The following SESTD1 variants were observed in gnomAD, a reference collection of about 807,000 sequenced individuals.
SESTD1 encodes the protein SEC14 domain and spectrin repeat-containing protein 1.
In SESTD1, 43 loss-of-function variants were observed where a neutral mutation model predicts 101.7. The observed-to-expected ratio is 0.42, with a 90% confidence interval of 0.33 to 0.55. The LOEUF is 0.55. Among genes scored for constraint, SESTD1 ranks in the 20% least tolerant of loss-of-function variants. SESTD1 has a pLI of 0.07. For synonymous variants in SESTD1, 283 were observed against 286.8 expected (o/e 0.99, Z 0.13); for missense variants, 647 against 815.1 (o/e 0.79, Z 2.51).
intron 1 of SESTD1, among the ~76,000 whole-genome samples, chr2:179,250,224 A>G (rs572532765): frequency 6.6e-6 from 1 of 152,326 alleles, no homozygotes; most frequent in Admixed American, 6.5e-5. Context: ...AGAAGTCACA[A>G]ACAGACAACT....
At chr2:179,144,647 A>AATTTAATT (rs2045355626) in intron 8 of SESTD1, among the ~76,000 whole-genome samples, 1 of 152,078 alleles carries the variant, frequency 6.6e-6, no homozygotes, top group African/African-American at 2.4e-5. Flanking sequence ...CTTATTTAGA[A>AATTTAATT]TAATATCTTA....
At chr2:179,139,604 C>G (rs529946016) in intron 9 of SESTD1, among the ~76,000 whole-genome samples, 2 of 152,110 alleles carry the variant, frequency 1.3e-5, no homozygotes, top group African/African-American at 4.8e-5. Context: ...CATTATGAAT[C>G]GTTAAGTTTT....
At chr2:179,194,716 A>G (rs1171776198) in intron 1 of SESTD1, among the ~76,000 whole-genome samples, 2 of 152,212 alleles carry the variant, frequency 1.3e-5, no homozygotes, top group African/African-American at 4.8e-5. Flanking sequence ...CAGAGCATGA[A>G]AAAGGCCACA....
Position 179,183,073 on chromosome 2 carries a change from G to A in SESTD1, c.164+7C>T, listed in dbSNP as rs367972552. The stretch of plus-strand genomic sequence containing the variant: ...TGAGATTTAAGAAAAGACACCTTTA[G>A]AGTCACCTTGGAATGCTGAGTAGGT... On this transcript the variant is annotated splice_region_variant and intron_variant, in intron 3 of 17. Transcript: ENST00000428443. The A allele has an allele frequency of 6.4e-7, 1 of 1,574,074 alleles. No individual in the cohort carries two copies. The highest frequency in any genetic ancestry group is 1.8e-5 in the Admixed American group (1 of 55,278).
At position 179,157,595 on chromosome 2, in the gene SESTD1, A is replaced by G. The variant is rs192970985; in HGVS notation, c.370-6204T>C. Among the ~76,000 whole-genome samples, 276 of 152,246 alleles carry G rather than the reference A, an allele frequency of 1.8e-3. 3 individuals are homozygous for G. Among genetic ancestry groups the G allele is most frequent in the African/African-American group, 6.4e-3 (267 of 41,558 alleles). On this transcript the variant is annotated intron_variant, in intron 5 of 17. Transcript: ENST00000428443. ...AGGATGAGTTATTTCTGGGTTCTCT[A>G]TTCTGTTCCATTGGTCTATGTGACT...
At chr2:179,160,445 C>T (rs1217724394) in intron 5 of SESTD1, among the ~76,000 whole-genome samples, 1 of 151,548 alleles carries the variant, frequency 6.6e-6, no homozygotes, top group African/African-American at 2.4e-5. Context: ...TTTAAAAGTA[C>T]AAAATGGCAC....
chr2:179,221,542 G>A (rs1296435705), intron 1 of SESTD1, among the ~76,000 whole-genome samples: 1 of 151,634 alleles, frequency 6.6e-6, no homozygotes, highest in African/African-American at 2.4e-5. Context: ...GAAGCCAGGA[G>A]GCAAAGGCAG....
chr2:179,154,961 G>A lies in SESTD1; in HGVS notation c.370-3570C>T, dbSNP rs555779283. Among the ~76,000 whole-genome samples, 5 of 152,168 alleles carry A rather than the reference G, an allele frequency of 3.3e-5. No individual in the cohort carries two copies. The South Asian group carries it at 1.0e-3, about 32-fold the overall frequency. Reference sequence around the variant, plus strand: ...TGGAAATCAATAATCAATCATATCAGCAATCCGTATTACTGATTTCTAGCT... The same window carrying A: ...TGGAAATCAATAATCAATCATATCAACAATCCGTATTACTGATTTCTAGCT... On this transcript the variant is annotated intron_variant, in intron 5 of 17. Coordinates refer to ENST00000428443, the MANE Select transcript of SESTD1 (RefSeq NM_178123.5).
intron 1 of SESTD1, among the ~76,000 whole-genome samples, chr2:179,262,529 C>T (rs888761249): frequency 1.3e-5 from 2 of 152,006 alleles, no homozygotes; most frequent in Non-Finnish European, 2.9e-5. Flanking sequence ...GCTCATGTTG[C>T]TTGTAACAGC....
chr2:179,158,916 T>C (rs540226929), intron 5 of SESTD1, among the ~76,000 whole-genome samples: 24 of 152,310 alleles, frequency 1.6e-4, no homozygotes, highest in Non-Finnish European at 2.8e-4. Context: ...TAATTTCCAA[T>C]TGACAACTTA....
rs537045742 is a variant in SESTD1 at position 179,253,879 on chromosome 2, G to A, written c.-26+10620C>T. ...TTAGAAGGCTGAAGCAAGCGGATCT[G>A]CTTGAGCTCAGGAGTTTGAGACCAG... On this transcript the variant is annotated intron_variant, in intron 1 of 17. Coordinates refer to ENST00000428443, the MANE Select transcript of SESTD1 (RefSeq NM_178123.5). 1.1e-3 allele frequency among the ~76,000 whole-genome samples: 162 copies of A among 151,978 alleles called. 1 individual carries two copies. The highest frequency in any genetic ancestry group is 3.8e-3 in the African/African-American group (159 of 41,430).
At chr2:179,211,498 A>G in intron 1 of SESTD1, among the ~76,000 whole-genome samples, 1 of 134,096 alleles carries the variant, frequency 7.5e-6, no homozygotes, top group East Asian at 2.0e-4. Context: ...GAGAACCCAG[A>G]AATACGGCAA....
At chr2:179,253,795 C>T (rs1420280427) in intron 1 of SESTD1, among the ~76,000 whole-genome samples, 3 of 152,132 alleles carry the variant, frequency 2.0e-5, no homozygotes, top group African/African-American at 7.2e-5. Context: ...AATGTGTCCT[C>T]TTACACCTTT....
intron 3 of SESTD1, among the ~76,000 whole-genome samples, chr2:179,176,860 C>T (rs2046020798): frequency 6.6e-6 from 1 of 152,208 alleles, no homozygotes; most frequent in Non-Finnish European, 1.5e-5. Flanking sequence ...TCAATTTCTT[C>T]GTCTGTAAAA....
chr2:179,247,160 A>G (rs573000373), intron 1 of SESTD1, among the ~76,000 whole-genome samples: 1 of 152,064 alleles, frequency 6.6e-6, no homozygotes, highest in East Asian at 1.9e-4. Flanking sequence ...AAATAATTGT[A>G]CATATTCACG....
rs1179214767 is a variant in SESTD1 at position 179,116,690 on chromosome 2, C to T, written c.1625G>A (p.Arg542Lys). 6.2e-7 allele frequency: 1 copy of T among 1,614,124 alleles called. No homozygotes were observed. Among genetic ancestry groups the T allele is most frequent in the East Asian group, 2.2e-5 (1 of 44,868 alleles). The change falls in exon 15 of 18, where the codon AGA becomes AAA. Residue 542 changes from arginine (R) to lysine (K), a missense_variant. Physicochemically the swap from Arg to Lys is conservative, Grantham distance 26. Coordinates refer to ENST00000428443, the MANE Select transcript of SESTD1 (RefSeq NM_178123.5). ...CACCTGTGCAACATCAACAAATTTT[C>T]TATGCTTTTCCAGCAAAACTTTCGT... ...QETKVLLEKH[R>K]KFVDVAQSTY...
In SESTD1 at chr2:179,124,505, A is replaced by AT; in HGVS notation, c.1025dup (p.Asn342LysfsTer5). On this transcript the variant is annotated frameshift_variant, in exon 11 of 18. Coordinates refer to ENST00000428443, the MANE Select transcript of SESTD1 (RefSeq NM_178123.5). LOFTEE classifies it high-confidence loss of function. ...CCACAAGATCTTCCTCATCGCCAGC[A>AT]TTCAAGAGTGCTGCAATTTGCTGAT... 6.2e-7 allele frequency: 1 copy of AT among 1,614,102 alleles called. No individual in the cohort carries two copies. Among genetic ancestry groups the AT allele is most frequent in the Non-Finnish European group, 8.5e-7 (1 of 1,180,000 alleles).
At chr2:179,114,679 T>A (rs938373081) in intron 16 of SESTD1, among the ~76,000 whole-genome samples, 3 of 152,208 alleles carry the variant, frequency 2.0e-5, no homozygotes, top group Non-Finnish European at 4.4e-5. Flanking sequence ...AGGTGCCTTT[T>A]AAAAAATGTG....
chr2:179,234,994 G>T (rs2047046132), intron 1 of SESTD1, among the ~76,000 whole-genome samples: 1 of 151,006 alleles, frequency 6.6e-6, no homozygotes, highest in Non-Finnish European at 1.5e-5. Flanking sequence ...GAAGACTGAG[G>T]AAGTGTTCTG....
Sources: gnomAD v4.1 joint callset for allele counts (sites outside exome capture counted in the v4.1 genomes callset) on GRCh38, gnomAD v4.1.1 for gene constraint, MANE v1.5 for transcripts, NCBI Gene and HGNC (gene_info 2026-07-23, HGNC 2026-07-21) for gene names.